The following CSMD1 variants were observed in gnomAD, a reference collection of about 807,000 sequenced individuals.
CSMD1 encodes CUB and sushi domain-containing protein 1.
In CSMD1, 213 loss-of-function variants were observed where a neutral mutation model predicts 417.5. The ratio of observed to expected loss-of-function variants is 0.51; its 90% CI spans 0.46 to 0.57. The LOEUF (loss-of-function observed/expected upper bound fraction) is 0.57, where lower values mean the gene tolerates loss of function less well. Ranked by LOEUF, CSMD1 falls within the 20% of genes least tolerant of loss-of-function variation. CSMD1 has a pLI of 0.00. For missense variants in CSMD1, 6,923 were observed against 4,529.7 expected (o/e 1.53, Z -15.17); for synonymous variants, 2,862 against 1,736.8 (o/e 1.65, Z -16.11).
intron 26 of CSMD1, among the ~76,000 whole-genome samples, chr8:3,231,412 C>G (rs1268903335): frequency 1.3e-5 from 2 of 152,076 alleles, no homozygotes; most frequent in Non-Finnish European, 2.9e-5. Flanking sequence ...TACATACCAT[C>G]ACACTGTCCA....
At chr8:3,252,240 A>T (rs188164867) in intron 26 of CSMD1, among the ~76,000 whole-genome samples, 2 of 152,162 alleles carry the variant, frequency 1.3e-5, no homozygotes, top group African/African-American at 4.8e-5. Flanking sequence ...CGTCCCATCA[A>T]TACCTGATTT....
chr8:3,850,605 G>A lies in CSMD1; in HGVS notation c.819-96563C>T, dbSNP rs149387157. ...AGCTACTTAGGAAGCTGAGGCAGGA[G>A]AATAACTTGAACCTGGGGGGCGGAG... On this transcript the variant is annotated intron_variant, in intron 5 of 69. Coordinates refer to ENST00000635120, the MANE Select transcript of CSMD1 (RefSeq NM_033225.6). Among the ~76,000 whole-genome samples, 1,353 of 152,270 alleles carry A rather than the reference G, an allele frequency of 8.9e-3. 20 individuals are homozygous for A. The highest frequency in any genetic ancestry group is 0.029 in the African/African-American group (1,216 of 41,540).
At chr8:3,575,480 C>T (rs903023948) in intron 9 of CSMD1, among the ~76,000 whole-genome samples, 1 of 152,086 alleles carries the variant, frequency 6.6e-6, no homozygotes, top group East Asian at 1.9e-4. Context: ...GGAAAGGCAC[C>T]GCCGAGTGCA....
intron 3 of CSMD1, among the ~76,000 whole-genome samples, chr8:4,238,997 C>G (rs915338161): frequency 6.6e-6 from 1 of 152,212 alleles, no homozygotes; most frequent in Non-Finnish European, 1.5e-5. Flanking sequence ...CTTCCCATCA[C>G]TATGGCTACA....
intron 6 of CSMD1, among the ~76,000 whole-genome samples, chr8:3,733,790 T>C (rs1167733173): frequency 1.3e-5 from 2 of 152,202 alleles, no homozygotes; most frequent in Non-Finnish European, 2.9e-5. Flanking sequence ...AGCGGGTGGA[T>C]ACTTGCATAC....
At chr8:3,297,624 T>A (rs1340880434) in intron 25 of CSMD1, among the ~76,000 whole-genome samples, 6 of 152,168 alleles carry the variant, frequency 3.9e-5, no homozygotes, top group African/African-American at 1.2e-4. Flanking sequence ...CTGTGACACT[T>A]CAGTCTCCAT....
intron 18 of CSMD1, chr8:3,373,608 G>A (rs1328705637): frequency 2.0e-5 from 3 of 152,188 alleles, no homozygotes; most frequent in Non-Finnish European, 4.4e-5. Context: ...CTATACAGGT[G>A]AGGGCTGTAT....
In CSMD1 at chr8:3,087,051, A is replaced by G. The variant is rs180872314; in HGVS notation, c.7474+46T>C. 314 of 1,486,458 alleles carry G rather than the reference A, an allele frequency of 2.1e-4. 1 individual carries two copies. The African/African-American group carries it at 4.1e-3, about 19-fold the overall frequency. 92.1% of individuals were successfully genotyped at this position (1,486,458 alleles called of 1,614,324 possible). On this transcript the variant is annotated intron_variant, in intron 49 of 69. Coordinates refer to ENST00000635120, the MANE Select transcript of CSMD1 (RefSeq NM_033225.6). ...ATTTTCAGAGAGTGATTAAAATGAG[A>G]GCAATACACAGGAAACAAGGCTGGG... is the stretch of plus-strand genomic sequence containing the variant.
intron 54 of CSMD1, among the ~76,000 whole-genome samples, chr8:2,981,006 C>G (rs1042336411): frequency 6.6e-6 from 1 of 152,222 alleles, no homozygotes. Context: ...TTCTCATGCA[C>G]CTTTTCAGTC....
intron 3 of CSMD1, among the ~76,000 whole-genome samples, chr8:4,132,202 T>C (rs995169035): frequency 5.5e-5 from 2 of 36,546 alleles, no homozygotes; most frequent in Non-Finnish European, 1.7e-4. Flanking sequence ...ATTTTTTTTT[T>C]TTTTTTTTTT....
chr8:3,924,596 C>G (rs1809508074), intron 5 of CSMD1, among the ~76,000 whole-genome samples: 1 of 152,072 alleles, frequency 6.6e-6, no homozygotes, highest in Non-Finnish European at 1.5e-5. Flanking sequence ...TTTAAATGAT[C>G]TGTCTTATAT....
At chr8:3,632,252 T>A (rs1324353666) in intron 7 of CSMD1, among the ~76,000 whole-genome samples, 2 of 152,200 alleles carry the variant, frequency 1.3e-5, no homozygotes, top group Admixed American at 6.5e-5. Context: ...TTTAACCATT[T>A]GATAATGCAT....
At chr8:3,635,226 A>G (rs1328778547) in intron 7 of CSMD1, among the ~76,000 whole-genome samples, 1 of 152,082 alleles carries the variant, frequency 6.6e-6, no homozygotes, top group East Asian at 1.9e-4. Flanking sequence ...CTGTAATCCC[A>G]GCACTTTCAG....
At chr8:4,165,103 A>G (rs117364076) in intron 3 of CSMD1, among the ~76,000 whole-genome samples, 3,064 of 152,252 alleles carry the variant, frequency 0.02, 57 homozygotes, top group Non-Finnish European at 0.03. Flanking sequence ...AGAGAAACTA[A>G]GAATTCATGT....
chr8:3,683,236 A>C (rs1429423497), intron 7 of CSMD1, among the ~76,000 whole-genome samples: 2 of 151,546 alleles, frequency 1.3e-5, no homozygotes, highest in Non-Finnish European at 2.9e-5. Flanking sequence ...TAAAATAATA[A>C]AAAATAAATA....
chr8:3,983,880 T>C (rs1016184225), intron 5 of CSMD1, among the ~76,000 whole-genome samples: 3 of 151,404 alleles, frequency 2.0e-5, no homozygotes, highest in African/African-American at 7.3e-5. Context: ...GCAGATCTAA[T>C]GGGACTGTCA....
intron 3 of CSMD1, among the ~76,000 whole-genome samples, chr8:4,059,164 A>T (rs1433986146): frequency 6.6e-6 from 1 of 152,204 alleles, no homozygotes; most frequent in Non-Finnish European, 1.5e-5. Flanking sequence ...AACTACACAG[A>T]AACTGAACAA....
At chr8:3,376,437 A>G (rs1810306963) in intron 18 of CSMD1, among the ~76,000 whole-genome samples, 1 of 152,016 alleles carries the variant, frequency 6.6e-6, no homozygotes, top group South Asian at 2.1e-4. Flanking sequence ...TCTACAGAAC[A>G]TATATCTTAT....
intron 6 of CSMD1, among the ~76,000 whole-genome samples, chr8:3,712,102 G>C (rs1257479452): frequency 4.6e-5 from 7 of 152,276 alleles, no homozygotes; most frequent in South Asian, 4.1e-4. Flanking sequence ...TTTTCAACAA[G>C]ACAGTGTTAT....
Sources: gnomAD v4.1 joint callset for allele counts (sites outside exome capture counted in the v4.1 genomes callset) on GRCh38, gnomAD v4.1.1 for gene constraint, MANE v1.5 for transcripts, NCBI Gene and HGNC (gene_info 2026-07-23, HGNC 2026-07-21) for gene names.